Variants in PCM1 observed in about 807,000 individuals in gnomAD.
The protein encoded by PCM1 is pericentriolar material 1, also known as pericentriolar material 1 protein.
A neutral mutation model predicts 241.9 loss-of-function variants in PCM1; 157 were observed. The observed-to-expected ratio is 0.65, with a 90% CI of 0.57 to 0.74. PCM1 has a LOEUF of 0.74. Among genes scored for constraint, PCM1 ranks in the 30% least tolerant of loss-of-function variants. The probability of loss-of-function intolerance (pLI) is 0.00; values close to 1 mark genes in which losing one functional copy is unlikely to be tolerated. For missense variants in PCM1, 3,478 were observed against 2,360.1 expected (o/e 1.47, Z -9.81); for synonymous variants, 1,085 against 784.9 (o/e 1.38, Z -6.39).
intron 9 of PCM1, 142 bp downstream of exon 9, chr8:17,953,328 T>A: frequency 2.2e-6 from 1 of 455,612 alleles, no homozygotes. Context: ...ATGAAAAGTT[T>A]CTAAGTTGCA....
At chr8:18,021,419 T>C (rs1161457714) in intron 36 of PCM1, among the ~76,000 whole-genome samples, 1 of 152,212 alleles carries the variant, frequency 6.6e-6, no homozygotes, top group Non-Finnish European at 1.5e-5. Context: ...TTTCATTCAG[T>C]TGCCACCCTC....
At chr8:17,965,920 T>G (rs2074702848) in intron 18 of PCM1, 79 bp from the exon 19 acceptor site, 1 of 920,670 alleles carries the variant, frequency 1.1e-6, no homozygotes, top group African/African-American at 1.7e-5. Flanking sequence ...CCCATAGGCC[T>G]GAGTATCAGA....
chr8:17,945,378 A>G (rs1027745166), intron 6 of PCM1, among the ~76,000 whole-genome samples: 18 of 152,132 alleles, frequency 1.2e-4, no homozygotes, highest in Admixed American at 8.5e-4. Flanking sequence ...AAAAACCTCT[A>G]ATAAATATTG....
intron 23 of PCM1, 89 bp downstream of exon 23, chr8:17,972,776 C>G (rs994559572): frequency 8.5e-6 from 6 of 708,884 alleles, no homozygotes; most frequent in Non-Finnish European, 1.3e-5. Flanking sequence ...TTCAGTAAGG[C>G]TAGATGTGCA....
intron 7 of PCM1, among the ~76,000 whole-genome samples, chr8:17,950,217 C>A (rs1259035258): frequency 6.6e-6 from 1 of 152,190 alleles, no homozygotes; most frequent in Non-Finnish European, 1.5e-5. Context: ...AGCCCCTCTA[C>A]CGGAGAATTG....
intron 2 of PCM1, chr8:17,925,147 T>C (rs1037942039): frequency 6.6e-6 from 1 of 152,250 alleles, no homozygotes; most frequent in African/African-American, 2.4e-5. Flanking sequence ...TTCCTATTAA[T>C]TGGCTGTTCA....
intron 33 of PCM1, 145 bp downstream of exon 33, chr8:18,011,511 C>A: frequency 9.5e-7 from 1 of 1,051,114 alleles, no homozygotes; most frequent in Non-Finnish European, 1.3e-6. Flanking sequence ...ACTAAATTAT[C>A]TAGACTTTCT....
At chr8:17,956,798 G>A (rs771965217) in intron 11 of PCM1, 21 bp downstream of exon 11, 5 of 1,578,426 alleles carry the variant, frequency 3.2e-6, no homozygotes, top group Non-Finnish European at 4.3e-6. Flanking sequence ...TTCTGGGGAT[G>A]TTTTTCCAGC....
intron 2 of PCM1, among the ~76,000 whole-genome samples, chr8:17,933,404 T>C (rs2059576031): frequency 6.6e-6 from 1 of 152,208 alleles, no homozygotes; most frequent in Admixed American, 6.5e-5. Context: ...AACTTTTTTT[T>C]CCGATATGTT....
chr8:17,952,954 GTT>G lies in PCM1; in HGVS notation c.1072-8_1072-7del. ...TTAGTCTTAATTCTTCTTTTTTGTT[GTT>G]TTTTTTTAATAAGCCTCCAGCTGTT... On this transcript the variant is annotated splice_polypyrimidine_tract_variant and intron_variant, in intron 8 of 38. Coordinates refer to ENST00000325083, the MANE Select transcript of PCM1 (RefSeq NM_006197.4). 1 of 1,433,872 alleles carries G rather than the reference GTT, an allele frequency of 7.0e-7. No homozygotes were observed. The highest frequency in any genetic ancestry group is 9.4e-7 in the Non-Finnish European group (1 of 1,062,564). 88.8% of individuals were successfully genotyped at this position (1,433,872 alleles called of 1,614,324 possible).
chr8:18,018,853 T>TACACACAC (rs1491290530), intron 36 of PCM1, among the ~76,000 whole-genome samples: 1 of 24,720 alleles, frequency 4.0e-5, no homozygotes, highest in Non-Finnish European at 1.3e-4. Flanking sequence ...TGTGTGTGTG[T>TACACACAC]ATATATATAT....
intron 27 of PCM1, among the ~76,000 whole-genome samples, chr8:17,990,958 C>T (rs555244345): frequency 4.1e-4 from 62 of 152,134 alleles, no homozygotes; most frequent in African/African-American, 1.4e-3. Flanking sequence ...TACTGTGTGG[C>T]CTGCCAACCC....
intron 25 of PCM1, 65 bp from the exon 26 acceptor site, chr8:17,985,892 CTG>C: frequency 3.7e-6 from 4 of 1,094,464 alleles, no homozygotes; most frequent in Non-Finnish European, 3.8e-6. Context: ...ATTTTTGAAT[CTG>C]TAATATAAAT....
rs2060637162 is a variant in PCM1 at position 17,937,055 on chromosome 8, C to T, written c.97-79C>T. On this transcript the variant is annotated intron_variant, in intron 3 of 38. Coordinates refer to ENST00000325083, the MANE Select transcript of PCM1 (RefSeq NM_006197.4). The stretch of plus-strand genomic sequence containing the variant: ...TTGTCTTTTTTAATTTTAAAACTGA[C>T]CAAAACTTTTTAATTATACCAATCT... The T allele has an allele frequency of 4.4e-6, 5 of 1,146,058 alleles. No homozygotes were observed. The South Asian group carries it at 5.1e-5, about 12-fold the overall frequency. The allele number at this position is 1,146,058 out of a possible 1,614,324, so 71.0% of individuals were successfully genotyped here.
chr8:17,968,867 A>T (rs932396969), intron 21 of PCM1, among the ~76,000 whole-genome samples: 3 of 151,760 alleles, frequency 2.0e-5, no homozygotes, highest in Non-Finnish European at 4.4e-5. Flanking sequence ...GTCAATTAAT[A>T]TTGGCAGCAA....
intron 6 of PCM1, among the ~76,000 whole-genome samples, chr8:17,943,595 T>A (rs1156859229): frequency 6.6e-6 from 1 of 152,218 alleles, no homozygotes; most frequent in Non-Finnish European, 1.5e-5. Context: ...AATAATATCC[T>A]TATAAGTGAT....
chr8:17,973,943 A>G (rs1013109736), intron 23 of PCM1, among the ~76,000 whole-genome samples: 24 of 152,200 alleles, frequency 1.6e-4, no homozygotes, highest in African/African-American at 5.8e-4. Flanking sequence ...AAATCTAATG[A>G]AAACCACAGA....
At position 17,989,936 on chromosome 8, in the gene PCM1, G is replaced by C. The variant is rs1401655557; in HGVS notation, c.4488G>C (p.Leu1496=). 8 of 1,541,108 alleles carry C rather than the reference G, an allele frequency of 5.2e-6. No individual in the cohort carries two copies. The highest frequency in any genetic ancestry group is 1.2e-5 in the South Asian group (1 of 81,626). Reference sequence around the variant, plus strand: ...ATGATGCTGATAATGCTAGTGTCCTGTCTGTATCATCAAATTTTGAGCCTT... The same window carrying C: ...ATGATGCTGATAATGCTAGTGTCCTCTCTGTATCATCAAATTTTGAGCCTT... ...EQNDADNASV[L]SVSSNFEPFA... is the part of the protein sequence containing the mutation. Residue 1496 remains leucine, a synonymous_variant, in exon 27 of 39, where the codon CTG becomes CTC. Coordinates refer to ENST00000325083, the MANE Select transcript of PCM1 (RefSeq NM_006197.4).
At chr8:17,947,861 T>C (rs1317216511) in intron 7 of PCM1, among the ~76,000 whole-genome samples, 2 of 152,208 alleles carry the variant, frequency 1.3e-5, no homozygotes. Context: ...TCCTTGGAAC[T>C]ATATTTATAG....
Sources: gnomAD v4.1 joint callset for allele counts (sites outside exome capture counted in the v4.1 genomes callset) on GRCh38, gnomAD v4.1.1 for gene constraint, MANE v1.5 for transcripts, NCBI Gene and HGNC (gene_info 2026-07-23, HGNC 2026-07-21) for gene names.